The following ATP9A variants were observed in gnomAD, a reference collection of about 807,000 sequenced individuals.
ATP9A encodes the protein ATPase phospholipid transporting 9A.
ATP9A carries 52 observed loss-of-function variants against 144.1 expected under a neutral mutation model. The observed-to-expected ratio is 0.36, with a 90% CI of 0.29 to 0.45. ATP9A has a LOEUF of 0.45. Among genes scored for constraint, ATP9A ranks in the 20% least tolerant of loss-of-function variants. The probability of loss-of-function intolerance (pLI) is 1.00; values close to 1 mark genes in which losing one functional copy is unlikely to be tolerated. For synonymous variants in ATP9A, 582 were observed against 557.4 expected (o/e 1.04, Z -0.62); for missense variants, 947 against 1,392.7 (o/e 0.68, Z 5.09).
chr20:51,702,403 T>C (rs1014924533), intron 4 of ATP9A, among the ~76,000 whole-genome samples: 7 of 147,354 alleles, frequency 4.8e-5, no homozygotes, highest in East Asian at 2.0e-4. Context: ...TGTGTGTGTG[T>C]GCATGTAATG....
intron 9 of ATP9A, among the ~76,000 whole-genome samples, chr20:51,677,901 G>T (rs930785096): frequency 6.6e-6 from 1 of 152,068 alleles, no homozygotes; most frequent in Admixed American, 6.6e-5. Flanking sequence ...AAATCCTGTG[G>T]TACACACTGC....
intron 1 of ATP9A, among the ~76,000 whole-genome samples, chr20:51,765,766 G>A (rs1344738301): frequency 2.0e-5 from 3 of 151,958 alleles, no homozygotes; most frequent in Non-Finnish European, 4.4e-5. Context: ...GACCAGCCTG[G>A]CCAACATGGT....
chr20:51,760,253 A>G (rs1018374786), intron 1 of ATP9A, among the ~76,000 whole-genome samples: 4 of 151,252 alleles, frequency 2.6e-5, no homozygotes, highest in Non-Finnish European at 4.4e-5. Flanking sequence ...TAATGAATCC[A>G]TAACGTACAT....
chr20:51,634,355 T>A (rs1371444140), intron 15 of ATP9A, among the ~76,000 whole-genome samples: 1 of 152,150 alleles, frequency 6.6e-6, no homozygotes, highest in Non-Finnish European at 1.5e-5. Context: ...ACCCACAGGA[T>A]CTATGCTGCT....
intron 2 of ATP9A, among the ~76,000 whole-genome samples, chr20:51,728,530 A>T (rs953331561): frequency 6.6e-6 from 1 of 151,134 alleles, no homozygotes; most frequent in African/African-American, 2.4e-5. Flanking sequence ...TGGGAGGCTG[A>T]GGCAGGAGAA....
At chr20:51,631,369 G>T (rs1348208714) in intron 15 of ATP9A, among the ~76,000 whole-genome samples, 1 of 152,040 alleles carries the variant, frequency 6.6e-6, no homozygotes, top group Non-Finnish European at 1.5e-5. Context: ...AGAGCTGTGG[G>T]GTCTGCACAT....
chr20:51,699,543 T>C (rs2077584911), intron 4 of ATP9A, among the ~76,000 whole-genome samples: 1 of 152,212 alleles, frequency 6.6e-6, no homozygotes, highest in Admixed American at 6.5e-5. Flanking sequence ...TTCCATAAGA[T>C]TTGTTTTTAA....
intron 19 of ATP9A, among the ~76,000 whole-genome samples, chr20:51,619,293 G>C (rs2077216462): frequency 6.6e-6 from 1 of 152,214 alleles, no homozygotes; most frequent in East Asian, 1.9e-4. Flanking sequence ...GCCAAGCGCA[G>C]TGGCTCATGC....
chr20:51,636,477 T>C (rs1446943762), intron 15 of ATP9A, among the ~76,000 whole-genome samples: 1 of 152,228 alleles, frequency 6.6e-6, no homozygotes, highest in Admixed American at 6.5e-5. Context: ...ACGTAGTTAA[T>C]ATCCCACCCT....
chr20:51,714,962 G>C (rs1276013630), intron 3 of ATP9A, among the ~76,000 whole-genome samples: 1 of 152,096 alleles, frequency 6.6e-6, no homozygotes, highest in African/African-American at 2.4e-5. Flanking sequence ...TTTTCCTCTT[G>C]TAATCAATAA....
chr20:51,642,841 C>G (rs1467197293), intron 14 of ATP9A, among the ~76,000 whole-genome samples: 2 of 150,386 alleles, frequency 1.3e-5, no homozygotes, highest in Non-Finnish European at 3.0e-5. Context: ...GTATGCAGCT[C>G]TCCACCCCTA....
intron 4 of ATP9A, among the ~76,000 whole-genome samples, chr20:51,702,065 C>T (rs1199720188): frequency 6.6e-6 from 1 of 151,628 alleles, no homozygotes; most frequent in African/African-American, 2.4e-5. Context: ...TTTGGGAGGC[C>T]GAGGCAGGTG....
At chr20:51,723,474 TG>T (rs1277824859) in intron 3 of ATP9A, among the ~76,000 whole-genome samples, 2 of 151,164 alleles carry the variant, frequency 1.3e-5, no homozygotes, top group African/African-American at 4.8e-5. Flanking sequence ...CACAGGGGGC[TG>T]GGGCAGGAGG....
At chr20:51,661,556 G>A (rs1464578250) in intron 13 of ATP9A, among the ~76,000 whole-genome samples, 3 of 137,024 alleles carry the variant, frequency 2.2e-5, no homozygotes, top group Non-Finnish European at 3.1e-5. Context: ...TTTTGGTAGA[G>A]ACAAGGTCTC....
At chr20:51,712,032 T>C (rs1462831310) in intron 4 of ATP9A, among the ~76,000 whole-genome samples, 2 of 151,090 alleles carry the variant, frequency 1.3e-5, no homozygotes, top group African/African-American at 4.9e-5. Context: ...ATTTTTGTAT[T>C]TGTAGCAGAG....
At chr20:51,739,091 C>T (rs1053839207) in intron 1 of ATP9A, among the ~76,000 whole-genome samples, 6 of 152,090 alleles carry the variant, frequency 3.9e-5, no homozygotes, top group African/African-American at 1.2e-4. Context: ...TCTGGAGGGA[C>T]GCGTGTGAAC....
chr20:51,618,545 G>C (rs2077212710), intron 21 of ATP9A, 117 bp downstream of exon 21: 1 of 1,419,568 alleles, frequency 7.0e-7, no homozygotes, highest in Non-Finnish European at 9.4e-7. Context: ...ATCATGACCT[G>C]AACAAAGGGG....
At chr20:51,622,031 C>T (rs200300937) in intron 19 of ATP9A, 43 bp downstream of exon 19, 12 of 1,564,104 alleles carry the variant, frequency 7.7e-6, no homozygotes, top group East Asian at 4.5e-5. Context: ...TAGGACAAAT[C>T]GAACATCATC....
At chr20:51,766,835 G>A (rs1443223905) in intron 1 of ATP9A, among the ~76,000 whole-genome samples, 3 of 152,088 alleles carry the variant, frequency 2.0e-5, no homozygotes, top group South Asian at 2.1e-4. Context: ...GGGAGACTCC[G>A]TCTCAATAAT....
Sources: gnomAD v4.1 joint callset for allele counts (sites outside exome capture counted in the v4.1 genomes callset) on GRCh38, gnomAD v4.1.1 for gene constraint, MANE v1.5 for transcripts, NCBI Gene and HGNC (gene_info 2026-07-23, HGNC 2026-07-21) for gene names.